The following FOXP1 variants were observed in gnomAD, a reference collection of about 807,000 sequenced individuals.
FOXP1 encodes the protein forkhead box P1.
A neutral mutation model predicts 98.2 loss-of-function variants in FOXP1; 15 were observed. The observed-to-expected ratio is 0.15, with a 90% CI of 0.10 to 0.24. The LOEUF (loss-of-function observed/expected upper bound fraction) is 0.24, where lower values mean the gene tolerates loss of function less well. FOXP1 is among the 10% of genes least tolerant of loss of function. The pLI is 1.00. For synonymous variants in FOXP1, 371 were observed against 314.5 expected (o/e 1.18, Z -1.90); for missense variants, 633 against 848.5 (o/e 0.75, Z 3.15).
intron 6 of FOXP1, among the ~76,000 whole-genome samples, chr3:71,145,025 A>G (rs1309151848): frequency 1.3e-5 from 2 of 152,126 alleles, no homozygotes; most frequent in African/African-American, 4.8e-5. Context: ...TTATTCTTGC[A>G]GAGTAGGATT....
intron 4 of FOXP1, among the ~76,000 whole-genome samples, chr3:71,350,002 T>A (rs2077674740): frequency 6.6e-6 from 1 of 152,230 alleles, no homozygotes; most frequent in African/African-American, 2.4e-5. Context: ...ATTCTGTAAT[T>A]TAACTCACTG....
intron 3 of FOXP1, among the ~76,000 whole-genome samples, chr3:71,446,036 G>A (rs2086385436): frequency 6.7e-6 from 1 of 149,176 alleles, no homozygotes; most frequent in Non-Finnish European, 1.5e-5. Context: ...ACAACTCATA[G>A]GTGAGTGAGT....
intron 18 of FOXP1, chr3:70,971,471 T>C (rs1011617610): frequency 2.0e-5 from 3 of 153,792 alleles, no homozygotes; most frequent in Non-Finnish European, 2.9e-5. Context: ...GATAAAAATA[T>C]TAAAAAATTA....
intron 6 of FOXP1, among the ~76,000 whole-genome samples, chr3:71,179,346 G>A (rs1204972903): frequency 6.6e-6 from 1 of 151,976 alleles, no homozygotes; most frequent in Admixed American, 6.6e-5. Context: ...GAGTTCAAGT[G>A]ATCCACCTGC....
chr3:71,235,546 A>G lies in FOXP1; in HGVS notation c.-11-37154T>C, dbSNP rs553467815. Among the ~76,000 whole-genome samples, 5 of 152,178 alleles carry G rather than the reference A, an allele frequency of 3.3e-5. No individual in the cohort carries two copies. In the South Asian group the frequency reaches 1.0e-3, roughly 32 times the overall value. ...GGATAAAATCAGTATTTGTTAAGTG[A>G]TGTACATTCATAGAATGTTTCTCTT... is the stretch of plus-strand genomic sequence containing the variant. On this transcript the variant is annotated intron_variant, in intron 5 of 20. Coordinates refer to ENST00000649528, the MANE Select transcript of FOXP1 (RefSeq NM_001349338.3).
At chr3:71,198,750 CGGTGCAAT>C (rs2063471168) in intron 5 of FOXP1, among the ~76,000 whole-genome samples, 1 of 151,316 alleles carries the variant, frequency 6.6e-6, no homozygotes, top group Non-Finnish European at 1.5e-5. Context: ...TGGAGTGCAG[CGGTGCAAT>C]CTCGGCTCAC....
At chr3:71,390,147 C>T (rs573770369) in intron 3 of FOXP1, among the ~76,000 whole-genome samples, 2 of 152,330 alleles carry the variant, frequency 1.3e-5, no homozygotes, top group East Asian at 3.9e-4. Context: ...CTGGTTCTCA[C>T]TTTTCTATCA....
At chr3:71,563,899 C>T (rs550487070) in intron 2 of FOXP1, among the ~76,000 whole-genome samples, 45 of 152,362 alleles carry the variant, frequency 3.0e-4, no homozygotes, top group African/African-American at 1.0e-3. Context: ...TGGTGCCAAA[C>T]TGCCGTATGA....
At chr3:71,297,607 CTTTG>C (rs1242140427) in intron 5 of FOXP1, among the ~76,000 whole-genome samples, 17 of 130,618 alleles carry the variant, frequency 1.3e-4, no homozygotes, top group African/African-American at 3.0e-4. Context: ...ACTTTTTCAG[CTTTG>C]TTTAATTTTT....
At chr3:71,465,122 A>C (rs1191686368) in intron 3 of FOXP1, among the ~76,000 whole-genome samples, 1 of 152,094 alleles carries the variant, frequency 6.6e-6, no homozygotes, top group African/African-American at 2.4e-5. Flanking sequence ...AGCCTGACCA[A>C]CAAGGAGAAA....
chr3:71,310,178 G>T (rs1036032893), intron 4 of FOXP1, among the ~76,000 whole-genome samples: 6 of 152,194 alleles, frequency 3.9e-5, no homozygotes, highest in African/African-American at 1.4e-4. Context: ...AGCAGGACTT[G>T]CCTGGTACAT....
chr3:71,210,999 C>T (rs1413029427), intron 5 of FOXP1: 1 of 152,136 alleles, frequency 6.6e-6, no homozygotes, highest in East Asian at 1.9e-4. Flanking sequence ...GTAACAATTT[C>T]CCTTCATAAA....
At chr3:71,549,853 C>T (rs184430937) in intron 2 of FOXP1, among the ~76,000 whole-genome samples, 1 of 99,202 alleles carries the variant, frequency 1.0e-5, no homozygotes, top group Admixed American at 1.4e-4. Context: ...TACTCTAATG[C>T]TGGGAGTAAA....
intron 3 of FOXP1, among the ~76,000 whole-genome samples, chr3:71,427,473 T>C (rs2084268548): frequency 6.6e-6 from 1 of 152,004 alleles, no homozygotes; most frequent in Non-Finnish European, 1.5e-5. Flanking sequence ...TGCAAGGAGA[T>C]CACAGAAGGC....
chr3:71,030,434 A>T (rs938849910), intron 11 of FOXP1, among the ~76,000 whole-genome samples: 1 of 152,170 alleles, frequency 6.6e-6, no homozygotes, highest in Non-Finnish European at 1.5e-5. Context: ...CAGTAACCTC[A>T]GCCCCACAAA....
intron 2 of FOXP1, among the ~76,000 whole-genome samples, chr3:71,552,090 C>T (rs1050641260): frequency 6.6e-6 from 1 of 152,130 alleles, no homozygotes; most frequent in African/African-American, 2.4e-5. Context: ...CCACCTTCAA[C>T]AGAATTAAGT....
intron 3 of FOXP1, among the ~76,000 whole-genome samples, chr3:71,482,392 G>A (rs1206511328): frequency 3.1e-5 from 4 of 129,814 alleles, no homozygotes; most frequent in African/African-American, 6.1e-5. Flanking sequence ...TTTTTGAGAC[G>A]GAGTCTTGCT....
At chr3:71,016,796 T>C (rs3846030) in intron 11 of FOXP1, among the ~76,000 whole-genome samples, 111,049 of 151,978 alleles carry the variant, frequency 0.73, 42,160 homozygotes, top group African/African-American at 0.93. Context: ...ACAAATGCCA[T>C]TTGTCCCTGA....
chr3:71,573,909 C>G (rs913136986), intron 2 of FOXP1: 29 of 152,202 alleles, frequency 1.9e-4, no homozygotes, highest in African/African-American at 7.0e-4. Context: ...CTTAACCTTT[C>G]TTAATGAAAT....
Sources: allele counts gnomAD v4.1 joint callset (sites outside exome capture counted in the v4.1 genomes callset), GRCh38; gene constraint gnomAD v4.1.1; transcripts MANE v1.5; gene names NCBI Gene and HGNC (gene_info 2026-07-23, HGNC 2026-07-21).